Variants in ZFHX3 observed in about 807,000 individuals in gnomAD.
ZFHX3 encodes the protein zinc finger homeobox 3, also known as zinc finger homeobox protein 3.
In ZFHX3, 42 loss-of-function variants were observed where a neutral mutation model predicts 279.1. The observed-to-expected ratio is 0.15, with a 90% CI of 0.12 to 0.19. The LOEUF is 0.19. ZFHX3 is among the 10% of genes least tolerant of loss of function. The probability of loss-of-function intolerance (pLI) is 1.00; values close to 1 mark genes in which losing one functional copy is unlikely to be tolerated. For synonymous variants in ZFHX3, 2,293 were observed against 1,957.8 expected (o/e 1.17, Z -4.52); for missense variants, 4,981 against 4,754.0 (o/e 1.05, Z -1.40).
intron 1 of ZFHX3, among the ~76,000 whole-genome samples, chr16:73,830,300 T>C (rs1179710803): frequency 6.8e-6 from 1 of 147,168 alleles, no homozygotes; most frequent in Non-Finnish European, 1.5e-5. Flanking sequence ...CTGCGCCCAC[T>C]GTCTGGCACT....
At chr16:73,348,165 C>A (rs76193918) in intron 3 of ZFHX3, among the ~76,000 whole-genome samples, 8,711 of 152,258 alleles carry the variant, frequency 0.057, 326 homozygotes, top group East Asian at 0.11. Context: ...TCCAACCAGC[C>A]AAAGCCACGG....
In ZFHX3 at chr16:73,839,219, G is replaced by A. The variant is rs192522830; in HGVS notation, c.-1608+52432C>T. 1.1e-4 allele frequency among the ~76,000 whole-genome samples: 17 copies of A among 150,894 alleles called. 1 individual carries two copies. The East Asian group carries it at 1.6e-3, about 14-fold the overall frequency. On this transcript the variant is annotated intron_variant, in intron 1 of 17. Coordinates refer to the ZFHX3 transcript ENST00000641206. ...TAAAAATGCAAAAACAAAATTAGCC[G>A]GGCATGGTGGCGGGCGCCTGTATTC... is the stretch of plus-strand genomic sequence containing the variant.
intron 1 of ZFHX3, among the ~76,000 whole-genome samples, chr16:73,779,531 G>A (rs73602059): frequency 0.014 from 2,131 of 152,136 alleles, 57 homozygotes; most frequent in African/African-American, 0.049. Flanking sequence ...TTACCCTGCC[G>A]TGTCTGCCAT....
intron 4 of ZFHX3, among the ~76,000 whole-genome samples, chr16:73,292,563 G>T (rs1202971044): frequency 6.6e-6 from 1 of 152,194 alleles, no homozygotes; most frequent in Non-Finnish European, 1.5e-5. Flanking sequence ...ACCTGAAAAA[G>T]GATCTTTTAT....
chr16:73,080,265 G>C (rs532449635), intron 8 of ZFHX3, among the ~76,000 whole-genome samples: 1 of 152,344 alleles, frequency 6.6e-6, no homozygotes, highest in East Asian at 1.9e-4. Flanking sequence ...CAGCGGTTCA[G>C]AAAGTGTGGC....
At chr16:73,191,284 G>A (rs981160440) in intron 5 of ZFHX3, among the ~76,000 whole-genome samples, 1 of 152,026 alleles carries the variant, frequency 6.6e-6, no homozygotes, top group Non-Finnish European at 1.5e-5. Flanking sequence ...TGTCTGTGTT[G>A]AACGTTCCGT....
intron 4 of ZFHX3, among the ~76,000 whole-genome samples, chr16:73,291,166 C>A (rs2014759210): frequency 6.6e-6 from 1 of 152,188 alleles, no homozygotes; most frequent in African/African-American, 2.4e-5. Flanking sequence ...TCCCATTCTC[C>A]TTCCAACGGT....
At chr16:73,690,231 T>G (rs1454211278) in intron 1 of ZFHX3, among the ~76,000 whole-genome samples, 1 of 152,140 alleles carries the variant, frequency 6.6e-6, no homozygotes, top group Non-Finnish European at 1.5e-5. Context: ...AAACAAGGTT[T>G]TACATCCATC....
chr16:73,105,522 C>T (rs1457779448), intron 7 of ZFHX3, among the ~76,000 whole-genome samples: 13 of 151,280 alleles, frequency 8.6e-5, no homozygotes, highest in East Asian at 3.9e-4. Context: ...GAGGCAAAGA[C>T]GGGCGGATCA....
intron 1 of ZFHX3, among the ~76,000 whole-genome samples, chr16:72,977,772 C>T (rs1388894486): frequency 6.6e-6 from 1 of 152,104 alleles, no homozygotes; most frequent in Non-Finnish European, 1.5e-5. Flanking sequence ...TGCACAATTT[C>T]AAACCATGCA....
intron 1 of ZFHX3, among the ~76,000 whole-genome samples, chr16:72,969,751 T>C (rs1962016207): frequency 6.6e-6 from 1 of 152,204 alleles, no homozygotes; most frequent in Non-Finnish European, 1.5e-5. Context: ...TGAAGAACCA[T>C]ACCCAGTTCC....
intron 1 of ZFHX3, among the ~76,000 whole-genome samples, chr16:73,037,063 T>A (rs916360322): frequency 6.6e-6 from 1 of 152,068 alleles, no homozygotes; most frequent in Non-Finnish European, 1.5e-5. Context: ...CCATCAACTA[T>A]ACCTTGTCAA....
chr16:72,831,839 T>G (rs967191805), intron 4 of ZFHX3, among the ~76,000 whole-genome samples: 14 of 152,292 alleles, frequency 9.2e-5, no homozygotes, highest in African/African-American at 3.4e-4. Flanking sequence ...ATCTGTAGTG[T>G]TGATACATTT....
At position 73,066,218 on chromosome 16, in the gene ZFHX3, A is replaced by C. The variant is rs6416748; in HGVS notation, c.-532-7206T>G. Among the ~76,000 whole-genome samples, 4 of 152,196 alleles carry C rather than the reference A, an allele frequency of 2.6e-5. No homozygotes were observed. In the South Asian group the frequency reaches 8.3e-4, roughly 32 times the overall value. On this transcript the variant is annotated intron_variant, in intron 8 of 17. Coordinates refer to the ZFHX3 transcript ENST00000641206. ...AGGGACATTCGACGCCAGTTTCCTCAGGCCCGGGCGTGAGACGCGCCCTTC... is the reference window on the plus strand; with the variant it reads ...AGGGACATTCGACGCCAGTTTCCTCCGGCCCGGGCGTGAGACGCGCCCTTC...
At chr16:73,235,376 C>T (rs941665813) in intron 5 of ZFHX3, among the ~76,000 whole-genome samples, 4 of 152,194 alleles carry the variant, frequency 2.6e-5, no homozygotes, top group African/African-American at 9.6e-5. Flanking sequence ...AGGCACCATG[C>T]CCGGCCACTT....
intron 2 of ZFHX3, among the ~76,000 whole-genome samples, chr16:73,542,358 C>T (rs564850020): frequency 3.9e-5 from 6 of 152,228 alleles, no homozygotes; most frequent in African/African-American, 1.4e-4. Context: ...CATTTCTAAA[C>T]ATGCAGAATT....
intron 1 of ZFHX3, among the ~76,000 whole-genome samples, chr16:73,823,183 C>A (rs1960799607): frequency 6.6e-6 from 1 of 152,150 alleles, no homozygotes; most frequent in Non-Finnish European, 1.5e-5. Context: ...CTTACCAAAT[C>A]CATGAGGTCA....
chr16:73,307,152 A>G (rs1486005905), intron 4 of ZFHX3, among the ~76,000 whole-genome samples: 1 of 152,232 alleles, frequency 6.6e-6, no homozygotes, highest in Non-Finnish European at 1.5e-5. Flanking sequence ...ACATGTTTAA[A>G]TACAGTAGCT....
At chr16:73,695,778 G>A (rs939700474) in intron 1 of ZFHX3, among the ~76,000 whole-genome samples, 2 of 152,150 alleles carry the variant, frequency 1.3e-5, no homozygotes, top group African/African-American at 4.8e-5. Flanking sequence ...AGGTGCTCAG[G>A]AAGTGCCTGA....
Sources: gnomAD v4.1 joint callset for allele counts (sites outside exome capture counted in the v4.1 genomes callset) on GRCh38, gnomAD v4.1.1 for gene constraint, MANE v1.5 for transcripts, NCBI Gene and HGNC (gene_info 2026-07-23, HGNC 2026-07-21) for gene names.